The following FBXW8 variants were observed in gnomAD, a reference collection of about 807,000 sequenced individuals.
FBXW8 encodes F-box/WD repeat-containing protein 8.
FBXW8 carries 57 observed loss-of-function variants against 65.3 expected under a neutral mutation model. That is an observed-to-expected ratio of 0.87 (90% CI 0.71 to 1.09). The LOEUF is 1.09. Among genes scored for constraint, FBXW8 ranks in the 50% least tolerant of loss-of-function variants. The pLI, the probability that FBXW8 is intolerant of heterozygous loss-of-function variation, is 0.00. For synonymous variants in FBXW8, 308 were observed against 330.2 expected, an observed-to-expected ratio of 0.93 and a Z score of 0.73; for missense variants, 777 against 814.8, an observed-to-expected ratio of 0.95 and a Z score of 0.57.
At chr12:116,983,046 G>A (rs1394049899) in intron 5 of FBXW8, among the ~76,000 whole-genome samples, 1 of 152,124 alleles carries the variant, frequency 6.6e-6, no homozygotes, top group Non-Finnish European at 1.5e-5. Flanking sequence ...GAGTAAAATG[G>A]TGCGCCTCCC....
intron 5 of FBXW8, among the ~76,000 whole-genome samples, chr12:116,971,550 T>C (rs1445131774): frequency 6.6e-6 from 1 of 152,150 alleles, no homozygotes; most frequent in East Asian, 1.9e-4. Context: ...TTAAAAGTTT[T>C]TTCTATTCCT....
intron 8 of FBXW8, among the ~76,000 whole-genome samples, chr12:117,013,101 C>T (rs1009058805): frequency 1.3e-5 from 2 of 152,034 alleles, no homozygotes; most frequent in African/African-American, 2.4e-5. Flanking sequence ...AAATTAGCCA[C>T]GCATGGTGAC....
chr12:117,016,965 C>T (rs1029295129), intron 8 of FBXW8, among the ~76,000 whole-genome samples: 3 of 152,228 alleles, frequency 2.0e-5, no homozygotes, highest in African/African-American at 7.2e-5. Flanking sequence ...TTATTCCGGA[C>T]TCTCAGTTCT....
chr12:117,002,134 GCCC>G (rs1383683142), intron 7 of FBXW8, among the ~76,000 whole-genome samples: 2 of 152,206 alleles, frequency 1.3e-5, no homozygotes, highest in Non-Finnish European at 2.9e-5. Flanking sequence ...ACATCACAAA[GCCC>G]CCATGTTTGG....
At chr12:117,011,127 C>T (rs867388921) in intron 8 of FBXW8, among the ~76,000 whole-genome samples, 9 of 122,150 alleles carry the variant, frequency 7.4e-5, no homozygotes, top group Admixed American at 8.1e-5. Context: ...TTTTCTTTTC[C>T]TTTTTTTTTT....
intron 2 of FBXW8, among the ~76,000 whole-genome samples, chr12:116,942,709 G>A (rs1275485153): frequency 6.8e-6 from 1 of 146,442 alleles, no homozygotes; most frequent in Admixed American, 6.8e-5. Flanking sequence ...CAAACTTGTT[G>A]TTGAGCGCCT....
In FBXW8 at chr12:116,961,387, A is replaced by G. The variant is rs1883976192; in HGVS notation, c.678-3310A>G. ...GGGCTGGGAGGTGAGGAGGTGAGGT[A>G]CTGCAGCAAGGTGGGGCAGAGAATC... On this transcript the variant is annotated intron_variant, in intron 4 of 10. Coordinates refer to ENST00000652555, the MANE Select transcript of FBXW8 (RefSeq NM_153348.3). The surrounding 1 kb of genome is among the most constrained non-coding windows in gnomAD (Gnocchi z 4.4). 6.6e-6 allele frequency among the ~76,000 whole-genome samples: 1 copy of G among 152,142 alleles called. No homozygotes were observed. The highest frequency in any genetic ancestry group is 2.4e-5 in the African/African-American group (1 of 41,432).
At chr12:116,928,243 T>C (rs1209881525) in intron 2 of FBXW8, 116 bp downstream of exon 2, 1 of 719,072 alleles carries the variant, frequency 1.4e-6, no homozygotes, top group South Asian at 1.7e-5. Context: ...AATTAATGAA[T>C]TGGATGGCAA....
intron 7 of FBXW8, among the ~76,000 whole-genome samples, chr12:117,004,527 T>C (rs1454976719): frequency 1.3e-5 from 2 of 152,210 alleles, no homozygotes; most frequent in African/African-American, 4.8e-5. Context: ...GAAAATACTT[T>C]ATTAGGCTTG....
intron 4 of FBXW8, 58 bp downstream of exon 4, chr12:116,949,764 T>C: frequency 1.3e-6 from 2 of 1,488,544 alleles, no homozygotes; most frequent in Non-Finnish European, 1.9e-6. Flanking sequence ...ATTTTTCTCA[T>C]ACCACCCTCT....
intron 1 of FBXW8, among the ~76,000 whole-genome samples, chr12:116,927,616 G>A (rs1480287860): frequency 6.6e-6 from 1 of 152,078 alleles, no homozygotes; most frequent in African/African-American, 2.4e-5. Flanking sequence ...AAGAGGGGTG[G>A]CCTCCCTGAT....
In FBXW8 at chr12:117,027,608, C is replaced by A. The variant is rs541965900; in HGVS notation, c.1652+104C>A. 23 of 877,254 alleles carry A rather than the reference C, an allele frequency of 2.6e-5. No homozygotes were observed. In the African/African-American group the frequency reaches 3.3e-4, roughly 13 times the overall value. The allele number at this position is 877,254 out of a possible 1,614,324, so 54.3% of individuals were successfully genotyped here. A position where few individuals can be genotyped will look rare whatever the true frequency, so the allele number is the denominator to read the frequency against. ...CATTGCACCCTATGGGCTATACCCT[C>A]AGGCAGGGCCCTGCCTTTCTGCGAA... On this transcript the variant is annotated intron_variant, in intron 10 of 10. Transcript: ENST00000652555.
intron 1 of FBXW8, among the ~76,000 whole-genome samples, chr12:116,919,141 A>G (rs778809735): frequency 1.3e-5 from 2 of 152,198 alleles, no homozygotes; most frequent in Non-Finnish European, 2.9e-5. Context: ...AAAACCGCGG[A>G]TAAGGGGGGA....
chr12:117,025,387 G>A (rs999989598), intron 9 of FBXW8, among the ~76,000 whole-genome samples: 2 of 152,226 alleles, frequency 1.3e-5, no homozygotes, highest in Admixed American at 6.5e-5. Flanking sequence ...CAACATAGAA[G>A]AGCAGAAACA....
At chr12:117,026,074 G>A (rs1340430428) in intron 9 of FBXW8, among the ~76,000 whole-genome samples, 1 of 152,228 alleles carries the variant, frequency 6.6e-6, no homozygotes, top group Non-Finnish European at 1.5e-5. Flanking sequence ...CACCTGCAGT[G>A]CCTGCTGCCA....
rs1352668925 is a variant in FBXW8 at position 116,945,395 on chromosome 12, A to G, written c.455A>G (p.Asp152Gly). The change falls in exon 3 of 11, where the codon GAT (aspartate) becomes GGT (glycine). Residue 152 changes from aspartate to glycine, a missense_variant. By Grantham distance (94) the Asp-to-Gly change is moderately conservative. Transcript: ENST00000652555. ...AAGACGTGGAAGGTGATTGCAGAGGATGAGGTGCTGTGGTACAGGCTGTGC... is the reference window on the plus strand; with the variant it reads ...AAGACGTGGAAGGTGATTGCAGAGGGTGAGGTGCTGTGGTACAGGCTGTGC... ...VSKTWKVIAE[D>G]EVLWYRLCQQ... is the part of the protein sequence containing the mutation. The G allele has an allele frequency of 6.2e-7, 1 of 1,613,828 alleles. No homozygotes were observed. Among genetic ancestry groups the G allele is most frequent in the East Asian group, 2.2e-5 (1 of 44,872 alleles).
At chr12:116,960,557 A>G (rs1883919345) in intron 4 of FBXW8, among the ~76,000 whole-genome samples, 1 of 152,218 alleles carries the variant, frequency 6.6e-6, no homozygotes. Flanking sequence ...CCCCTGTTTT[A>G]TAGTTTTTAT....
intron 7 of FBXW8, among the ~76,000 whole-genome samples, chr12:116,997,823 T>C (rs1260014587): frequency 6.6e-6 from 1 of 152,200 alleles, no homozygotes; most frequent in East Asian, 1.9e-4. Flanking sequence ...GTTGTTGTTT[T>C]GTTTTTTTGA....
chr12:116,926,887 A>C (rs936749588), intron 1 of FBXW8, among the ~76,000 whole-genome samples: 1 of 152,046 alleles, frequency 6.6e-6, no homozygotes, highest in Non-Finnish European at 1.5e-5. Flanking sequence ...CTTTACTGTG[A>C]GTCTTGGTAG....
Sources: allele counts gnomAD v4.1 joint callset (sites outside exome capture counted in the v4.1 genomes callset), GRCh38; gene constraint gnomAD v4.1.1; non-coding constraint Gnocchi (gnomAD v3.1); transcripts MANE v1.5; gene names NCBI Gene and HGNC (gene_info 2026-07-23, HGNC 2026-07-21).